ZNF385C: variants seen among roughly 807,000 people sequenced by gnomAD.
ZNF385C encodes CTD-2132N18.2.
A neutral mutation model predicts 35.4 loss-of-function variants in ZNF385C; 28 were observed. The ratio of observed to expected loss-of-function variants is 0.79; its 90% CI spans 0.59 to 1.08. The LOEUF (loss-of-function observed/expected upper bound fraction) is 1.08. ZNF385C is among the 50% of genes least tolerant of loss of function. ZNF385C has a pLI of 0.00. For synonymous variants in ZNF385C, 248 were observed against 248.2 expected, an observed-to-expected ratio of 1.00 and a Z score of 0.01; for missense variants, 605 against 595.6, an observed-to-expected ratio of 1.02 and a Z score of -0.16.
intron 1 of ZNF385C, among the ~76,000 whole-genome samples, chr17:42,068,438 G>A (rs1555658584): frequency 2.6e-5 from 4 of 152,278 alleles, no homozygotes; most frequent in Non-Finnish European, 2.9e-5. Flanking sequence ...AGCTGCTTAC[G>A]TCACATCTTC....
At chr17:42,035,713 G>C (rs1042461107) in intron 3 of ZNF385C, among the ~76,000 whole-genome samples, 25 of 151,812 alleles carry the variant, frequency 1.6e-4, no homozygotes, top group African/African-American at 6.1e-4. Context: ...CACTACGTCT[G>C]GCTAATTTTT....
intron 2 of ZNF385C, among the ~76,000 whole-genome samples, chr17:42,044,307 CAAAAAAAAA>C (rs57246793): frequency 1.4e-5 from 1 of 70,546 alleles, no homozygotes; most frequent in Non-Finnish European, 2.6e-5. Flanking sequence ...GACCCTGTCT[CAAAAAAAAA>C]AAAAAAAAAA....
chr17:42,076,549 G>A (rs1325389289), intron 1 of ZNF385C, among the ~76,000 whole-genome samples: 2 of 152,148 alleles, frequency 1.3e-5, no homozygotes, highest in Non-Finnish European at 2.9e-5. Context: ...GTGAACCCGG[G>A]GGGCGGAGCT....
At chr17:42,031,482 G>T in intron 5 of ZNF385C, 137 bp downstream of exon 5, 1 of 1,116,718 alleles carries the variant, frequency 9.0e-7, no homozygotes, top group Non-Finnish European at 1.2e-6. Context: ...TTCATGGCGT[G>T]GTACACTTGT....
intron 1 of ZNF385C, among the ~76,000 whole-genome samples, chr17:42,091,032 C>T (rs1226270155): frequency 6.6e-6 from 1 of 152,100 alleles, no homozygotes; most frequent in African/African-American, 2.4e-5. Flanking sequence ...GGGATGAGAG[C>T]TAGGACAGTA....
intron 2 of ZNF385C, among the ~76,000 whole-genome samples, chr17:42,049,947 T>A: frequency 6.6e-6 from 1 of 152,238 alleles, no homozygotes; most frequent in Non-Finnish European, 1.5e-5. Flanking sequence ...ACAGCACATT[T>A]ACATCATCCC....
At chr17:42,045,074 C>T (rs1159724088) in intron 2 of ZNF385C, among the ~76,000 whole-genome samples, 1 of 152,214 alleles carries the variant, frequency 6.6e-6, no homozygotes, top group Non-Finnish European at 1.5e-5. Flanking sequence ...CCCGCCATCA[C>T]GCCCGGCTAA....
chr17:42,096,489 C>T (rs1555660972), intron 1 of ZNF385C, among the ~76,000 whole-genome samples: 1 of 152,188 alleles, frequency 6.6e-6, no homozygotes, highest in Admixed American at 6.5e-5. Context: ...CTCCCTTGCC[C>T]AGGTTTAAGG....
intron 2 of ZNF385C, chr17:42,040,784 A>G (rs1417122122): frequency 1.3e-5 from 16 of 1,232,178 alleles, no homozygotes; most frequent in African/African-American, 9.3e-5. Flanking sequence ...AGGGCATCCA[A>G]TATGCTCTCA....
chr17:42,073,389 A>AC (rs2053651718), intron 1 of ZNF385C, among the ~76,000 whole-genome samples: 1 of 151,594 alleles, frequency 6.6e-6, no homozygotes, highest in Non-Finnish European at 1.5e-5. Context: ...AGTCAAAACC[A>AC]CCCCATTGCA....
At position 42,050,706 on chromosome 17, in the gene ZNF385C, C is replaced by T. The variant is rs1359582310; in HGVS notation, c.250+12101G>A. Reference sequence around the variant, plus strand: ...AGGGTCCCGGGCAGGGCGGGCGGCGCCCCCGGGGCTCACCTGGCCGCGCCC... The same window carrying T: ...AGGGTCCCGGGCAGGGCGGGCGGCGTCCCCGGGGCTCACCTGGCCGCGCCC... On this transcript the variant is annotated intron_variant, in intron 2 of 8. Transcript: ENST00000692273. This position sits in a 1 kb window ranked among gnomAD's most constrained non-coding sequence, Gnocchi z 5.6. The T allele has an allele frequency of 6.6e-6, 1 of 150,510 alleles. No individual in the cohort carries two copies. The highest frequency in any genetic ancestry group is 1.5e-5 in the Non-Finnish European group (1 of 67,466). 9.3% of individuals were successfully genotyped at this position (150,510 alleles called of 1,614,324 possible). A position where few individuals can be genotyped will look rare whatever the true frequency, so the allele number is the denominator to read the frequency against.
At chr17:42,094,828 G>A (rs986494071) in intron 1 of ZNF385C, among the ~76,000 whole-genome samples, 10 of 152,294 alleles carry the variant, frequency 6.6e-5, no homozygotes, top group African/African-American at 2.2e-4. Context: ...TTAACCAACC[G>A]CTGCCGGCAT....
At chr17:42,045,261 C>T (rs1555656532) in intron 2 of ZNF385C, among the ~76,000 whole-genome samples, 1 of 151,960 alleles carries the variant, frequency 6.6e-6, no homozygotes, top group Non-Finnish European at 1.5e-5. Context: ...CCGTGTTAGC[C>T]AGGATGGTCT....
At chr17:42,041,218 G>A in intron 2 of ZNF385C, 3 of 1,232,526 alleles carry the variant, frequency 2.4e-6, no homozygotes, top group Non-Finnish European at 3.0e-6. Context: ...GAAAGGGAGG[G>A]AGGACTGAGT....
chr17:42,079,066 C>T (rs545932613), intron 1 of ZNF385C, among the ~76,000 whole-genome samples: 9 of 151,228 alleles, frequency 6.0e-5, no homozygotes, highest in Middle Eastern at 3.4e-3. Context: ...TATACTAGCC[C>T]GGCACGGTGG....
At position 42,063,057 on chromosome 17, in the gene ZNF385C, A is replaced by G. The variant is rs967338622; in HGVS notation, c.-1T>C. On this transcript the variant is annotated splice_region_variant and 5_prime_UTR_variant, in exon 2 of 9. Transcript: ENST00000692273. ...GGGGTGGGCTCAGTGGCCGCTTCAT[A>G]TCTGAGTGGATAGAGAGGGAGATGA... The G allele has an allele frequency of 4.8e-6, 3 of 628,300 alleles. No individual in the cohort carries two copies. In the African/African-American group the frequency reaches 5.6e-5, roughly 12 times the overall value. 38.9% of individuals were successfully genotyped at this position (628,300 alleles called of 1,614,324 possible).
chr17:42,049,602 T>C (rs1424817958), intron 2 of ZNF385C, among the ~76,000 whole-genome samples: 3 of 152,244 alleles, frequency 2.0e-5, no homozygotes, highest in Admixed American at 6.5e-5. Flanking sequence ...TGTGATTCTA[T>C]GACCTTGCCC....
At chr17:42,042,228 A>T (rs2053040550) in intron 2 of ZNF385C, among the ~76,000 whole-genome samples, 2 of 152,178 alleles carry the variant, frequency 1.3e-5, no homozygotes, top group Middle Eastern at 6.8e-3. Context: ...AAACCAAAAA[A>T]CAAAAAACAG....
chr17:42,093,865 G>A (rs935886384), intron 1 of ZNF385C, among the ~76,000 whole-genome samples: 6 of 151,898 alleles, frequency 4.0e-5, no homozygotes, highest in Admixed American at 1.3e-4. Flanking sequence ...GATTACAGGT[G>A]TGAGCCACTG....
Sources: allele counts gnomAD v4.1 joint callset (sites outside exome capture counted in the v4.1 genomes callset), GRCh38; gene constraint gnomAD v4.1.1; non-coding constraint Gnocchi (gnomAD v3.1); transcripts MANE v1.5; gene names NCBI Gene and HGNC (gene_info 2026-07-23, HGNC 2026-07-21).